CDC42BPA: variants seen among roughly 807,000 people sequenced by gnomAD.
The protein encoded by CDC42BPA is serine/threonine-protein kinase MRCK alpha.
In CDC42BPA, 80 loss-of-function variants were observed where a neutral mutation model predicts 223.5. The ratio of observed to expected loss-of-function variants is 0.36; its 90% CI spans 0.30 to 0.43. The LOEUF is 0.43. CDC42BPA is among the 20% of genes least tolerant of loss of function. CDC42BPA has a pLI of 1.00. For synonymous variants in CDC42BPA, 694 were observed against 718.6 expected (o/e 0.97, Z 0.55); for missense variants, 1,743 against 2,099.9 (o/e 0.83, Z 3.32).
intron 34 of CDC42BPA, among the ~76,000 whole-genome samples, chr1:227,013,710 T>C (rs1046917894): frequency 4.6e-5 from 7 of 152,082 alleles, no homozygotes. Context: ...TTCTTTTCTG[T>C]GTAAAATGAA....
chr1:227,258,038 G>A (rs573561278), intron 1 of CDC42BPA, among the ~76,000 whole-genome samples: 7 of 150,390 alleles, frequency 4.7e-5, no homozygotes, highest in East Asian at 1.9e-4. Flanking sequence ...GGCCAGACAC[G>A]GTGGCTTGTG....
chr1:227,156,746 A>T (rs1254522281), intron 6 of CDC42BPA, among the ~76,000 whole-genome samples: 1 of 152,180 alleles, frequency 6.6e-6, no homozygotes, highest in African/African-American at 2.4e-5. Context: ...AGAGGCAAAC[A>T]TCAGACTACA....
chr1:227,030,376 A>T, intron 29 of CDC42BPA, 32 bp downstream of exon 29: 1 of 1,394,786 alleles, frequency 7.2e-7, no homozygotes, highest in Non-Finnish European at 1.0e-6. Context: ...CACGATTTAA[A>T]ATTACTCCAA....
chr1:227,266,444 A>C (rs1198987741), intron 1 of CDC42BPA, among the ~76,000 whole-genome samples: 6 of 152,188 alleles, frequency 3.9e-5, no homozygotes, highest in Non-Finnish European at 7.3e-5. Flanking sequence ...CAGAGAGCCA[A>C]CCCTGGGATT....
At chr1:227,077,508 G>C (rs1679744082) in intron 17 of CDC42BPA, among the ~76,000 whole-genome samples, 1 of 152,108 alleles carries the variant, frequency 6.6e-6, no homozygotes, top group South Asian at 2.1e-4. Context: ...CCTCTACAGA[G>C]CTGTTTCATC....
chr1:227,274,168 T>C (rs548096753), intron 1 of CDC42BPA, among the ~76,000 whole-genome samples: 3 of 152,126 alleles, frequency 2.0e-5, no homozygotes, highest in South Asian at 2.1e-4. Flanking sequence ...AGTTCATGAA[T>C]AGGGTAGTAG....
chr1:227,147,054 T>G (rs1465090491), intron 7 of CDC42BPA, among the ~76,000 whole-genome samples: 1 of 152,204 alleles, frequency 6.6e-6, no homozygotes, highest in Non-Finnish European at 1.5e-5. Flanking sequence ...TTACACATAT[T>G]CTAGTCATGA....
intron 17 of CDC42BPA, among the ~76,000 whole-genome samples, chr1:227,074,575 G>A (rs969824207): frequency 6.6e-6 from 1 of 152,126 alleles, no homozygotes; most frequent in Non-Finnish European, 1.5e-5. Context: ...TAGAGCAGGT[G>A]ATGTTTACAA....
intron 1 of CDC42BPA, among the ~76,000 whole-genome samples, chr1:227,277,442 G>A (rs1032342588): frequency 6.6e-6 from 1 of 152,068 alleles, no homozygotes; most frequent in African/African-American, 2.4e-5. Context: ...AACTTACAAG[G>A]ACAGTATTAC....
chr1:227,194,175 T>C (rs1670276508), intron 4 of CDC42BPA, among the ~76,000 whole-genome samples: 2 of 152,188 alleles, frequency 1.3e-5, no homozygotes, highest in East Asian at 1.9e-4. Context: ...GTTACCATTG[T>C]TGTATTTTGC....
chr1:227,147,079 T>C (rs1027867624), intron 7 of CDC42BPA, among the ~76,000 whole-genome samples: 7 of 152,186 alleles, frequency 4.6e-5, no homozygotes, highest in Admixed American at 2.6e-4. Flanking sequence ...ACATATACTA[T>C]AGTAAGCAAT....
chr1:227,042,457 A>T (rs573604752), intron 23 of CDC42BPA, among the ~76,000 whole-genome samples: 56 of 152,250 alleles, frequency 3.7e-4, no homozygotes, highest in African/African-American at 1.3e-3. Context: ...TGCTGGTTAA[A>T]TTATAGGAGA....
At chr1:227,294,816 C>T (rs1304236732) in intron 1 of CDC42BPA, among the ~76,000 whole-genome samples, 6 of 120,822 alleles carry the variant, frequency 5.0e-5, no homozygotes, top group Admixed American at 4.5e-4. Context: ...GCCGAGATCG[C>T]GCCACTGCAC....
At chr1:227,256,989 A>ACACACACACACACACACC (rs781287283) in intron 1 of CDC42BPA, among the ~76,000 whole-genome samples, 18 of 146,720 alleles carry the variant, frequency 1.2e-4, no homozygotes, top group African/African-American at 4.3e-4. Context: ...ACACACACAC[A>ACACACACACACACACACC]CCAGTATGTT....
At chr1:227,278,312 T>C (rs1041870456) in intron 1 of CDC42BPA, among the ~76,000 whole-genome samples, 14 of 152,190 alleles carry the variant, frequency 9.2e-5, no homozygotes, top group African/African-American at 3.1e-4. Flanking sequence ...CTATTTCAGA[T>C]TGCGTATGTG....
intron 2 of CDC42BPA, among the ~76,000 whole-genome samples, chr1:227,240,237 C>T (rs1679791959): frequency 6.6e-6 from 1 of 151,922 alleles, no homozygotes; most frequent in African/African-American, 2.4e-5. Context: ...AAGACCTATA[C>T]ATTAAAACTA....
intron 23 of CDC42BPA, among the ~76,000 whole-genome samples, chr1:227,046,179 T>TA (rs1672409815): frequency 6.6e-6 from 1 of 151,262 alleles, no homozygotes; most frequent in Admixed American, 6.6e-5. Context: ...TAAGAGTCAG[T>TA]AAAAAAGCTA....
chr1:227,050,580 T>A (rs886433256), intron 22 of CDC42BPA, among the ~76,000 whole-genome samples: 4 of 152,154 alleles, frequency 2.6e-5, no homozygotes, highest in African/African-American at 9.7e-5. Flanking sequence ...AATGGATAAG[T>A]AGTTGTGGTA....
At position 226,994,932 on chromosome 1, in the gene CDC42BPA, C is replaced by T. The variant is rs765054481; in HGVS notation, c.5024G>A (p.Gly1675Glu). ...GGGCTGCCGCTTGGCACTGTAGCTT[C>T]CTCCAGAGAATTCCCTCTTTAATGC... is the stretch of plus-strand genomic sequence containing the variant. ...GSALKREFSG[G>E]SYSAKRQPMP... Residue 1675 changes from glycine to glutamate, a missense_variant, in exon 36 of 37, where the codon GGA becomes GAA. Gly to Glu is a moderately conservative substitution (Grantham distance 98). This residue lies in a region of CDC42BPA where 200 missense variants were observed against 192.8 expected (regional missense o/e 1.04). Coordinates refer to ENST00000366766, the MANE Select transcript of CDC42BPA (RefSeq NM_001394014.1). This position sits in a 1 kb window ranked among gnomAD's most constrained non-coding sequence, Gnocchi z 4.0. 2 of 1,614,168 alleles carry T rather than the reference C, an allele frequency of 1.2e-6. No homozygotes were observed. Among genetic ancestry groups the T allele is most frequent in the Non-Finnish European group, 1.7e-6 (2 of 1,180,022 alleles).
Sources: gnomAD v4.1 joint callset for allele counts (sites outside exome capture counted in the v4.1 genomes callset) on GRCh38, gnomAD v4.1.1 for gene constraint, gnomAD v4.1.1 regional missense constraint, Gnocchi (gnomAD v3.1) non-coding constraint, MANE v1.5 for transcripts, NCBI Gene and HGNC (gene_info 2026-07-23, HGNC 2026-07-21) for gene names.